The following DIS3L2 variants were observed in gnomAD, a reference collection of about 807,000 sequenced individuals.
DIS3L2 encodes DIS3-like exonuclease 2.
DIS3L2 carries 34 observed loss-of-function variants against 97.5 expected under a neutral mutation model. That is an observed-to-expected ratio of 0.35 (90% CI 0.27 to 0.46). The LOEUF (loss-of-function observed/expected upper bound fraction) is 0.46, where lower values mean the gene tolerates loss of function less well. DIS3L2 is among the 20% of genes least tolerant of loss of function. The pLI is 1.00. For synonymous variants in DIS3L2, 435 were observed against 445.2 expected (o/e 0.98, Z 0.29); for missense variants, 1,038 against 1,146.0 (o/e 0.91, Z 1.36).
intron 9 of DIS3L2, among the ~76,000 whole-genome samples, chr2:232,186,082 C>T (rs1574933163): frequency 6.6e-6 from 1 of 152,138 alleles, no homozygotes; most frequent in East Asian, 1.9e-4. Context: ...CCACCTGCCT[C>T]AGCCTCCCAA....
intron 5 of DIS3L2, among the ~76,000 whole-genome samples, chr2:232,043,420 T>A (rs995224459): frequency 6.6e-6 from 1 of 152,180 alleles, no homozygotes; most frequent in Non-Finnish European, 1.5e-5. Context: ...TGTCTGCAAG[T>A]AGGGATATAA....
intron 5 of DIS3L2, among the ~76,000 whole-genome samples, chr2:232,057,379 C>T (rs973730178): frequency 1.3e-5 from 2 of 152,052 alleles, no homozygotes; most frequent in Non-Finnish European, 2.9e-5. Context: ...TTCCTATGAG[C>T]AAGTCGCAAT....
At chr2:231,974,931 C>T (rs985070732) in intron 1 of DIS3L2, among the ~76,000 whole-genome samples, 4 of 152,072 alleles carry the variant, frequency 2.6e-5, no homozygotes, top group East Asian at 3.9e-4. Flanking sequence ...CTATTGTATC[C>T]GTTTGGTTGC....
intron 6 of DIS3L2, among the ~76,000 whole-genome samples, chr2:232,123,094 C>T (rs1327116152): frequency 6.6e-6 from 1 of 151,686 alleles, no homozygotes; most frequent in Non-Finnish European, 1.5e-5. Context: ...CCACAACCCT[C>T]CCACCCTAAT....
At chr2:232,161,265 C>T (rs1690641997) in intron 8 of DIS3L2, among the ~76,000 whole-genome samples, 2 of 151,948 alleles carry the variant, frequency 1.3e-5, no homozygotes, top group South Asian at 4.2e-4. Context: ...TTATTTCTGT[C>T]CTTCTCCTTA....
intron 9 of DIS3L2, among the ~76,000 whole-genome samples, chr2:232,181,240 T>G (rs947094564): frequency 6.6e-6 from 1 of 151,502 alleles, no homozygotes; most frequent in Non-Finnish European, 1.5e-5. Context: ...TGGCTGCCCT[T>G]AACATTTTTT....
intron 6 of DIS3L2, among the ~76,000 whole-genome samples, chr2:232,097,166 T>C (rs1370518335): frequency 6.6e-6 from 1 of 152,214 alleles, no homozygotes; most frequent in African/African-American, 2.4e-5. Context: ...TGCAGACTTG[T>C]AGAGGTTCTG....
intron 1 of DIS3L2, among the ~76,000 whole-genome samples, chr2:231,996,170 C>G (rs1046134518): frequency 6.6e-6 from 1 of 152,200 alleles, no homozygotes; most frequent in African/African-American, 2.4e-5. Context: ...AGAGTAATCC[C>G]ATGGAATTGG....
chr2:232,262,200 G>A (rs553198655), intron 12 of DIS3L2, among the ~76,000 whole-genome samples: 7 of 151,152 alleles, frequency 4.6e-5, no homozygotes, highest in Admixed American at 1.3e-4. Context: ...TCCCCCAACC[G>A]CCCTTTCTTC....
At chr2:232,183,618 T>G (rs1691352239) in intron 9 of DIS3L2, among the ~76,000 whole-genome samples, 1 of 152,196 alleles carries the variant, frequency 6.6e-6, no homozygotes, top group South Asian at 2.1e-4. Flanking sequence ...TTCACAGCCC[T>G]TTATAGATGC....
intron 9 of DIS3L2, among the ~76,000 whole-genome samples, chr2:232,174,306 C>A (rs1691082453): frequency 6.6e-6 from 1 of 151,854 alleles, no homozygotes; most frequent in African/African-American, 2.4e-5. Context: ...CATTTGTTGG[C>A]CGGGCATGGT....
chr2:232,271,104 G>T (rs1693997945), intron 13 of DIS3L2, among the ~76,000 whole-genome samples: 1 of 152,156 alleles, frequency 6.6e-6, no homozygotes, highest in South Asian at 2.1e-4. Context: ...ACTTACAAGG[G>T]TCCTAAAATT....
Position 232,131,392 on chromosome 2 carries a change from A to G in DIS3L2, c.702+673A>G, listed in dbSNP as rs144542059. 431 of 152,490 alleles carry G rather than the reference A, an allele frequency of 2.8e-3. 1 individual carries two copies. Among genetic ancestry groups the G allele is most frequent in the Non-Finnish European group, 4.7e-3 (319 of 68,264 alleles). 9.4% of individuals were successfully genotyped at this position (152,490 alleles called of 1,614,324 possible). ...CTGCAACCTCTGCCTCCCTGGTTCA[A>G]GCGATTCTTCTGCCTCAGCCTCCTG... On this transcript the variant is annotated intron_variant, in intron 7 of 20. Coordinates refer to ENST00000325385, the MANE Select transcript of DIS3L2 (RefSeq NM_152383.5).
At chr2:232,058,722 CA>C (rs1695616039) in intron 5 of DIS3L2, among the ~76,000 whole-genome samples, 3 of 152,102 alleles carry the variant, frequency 2.0e-5, no homozygotes, top group African/African-American at 7.2e-5. Context: ...CCAGTGTGCA[CA>C]CAGAACTGGA....
At chr2:232,285,606 C>T (rs546416669) in intron 13 of DIS3L2, among the ~76,000 whole-genome samples, 42 of 152,314 alleles carry the variant, frequency 2.8e-4, no homozygotes, top group Non-Finnish European at 1.5e-5. Context: ...GGAAGTGTGG[C>T]CCAGTAGGAA....
Position 232,337,097 on chromosome 2 carries a change from TC to T in DIS3L2, c.*469del. ...GAGCCGATGTCAACACCTGGAACTT[TC>T]CTGTCAGTTCCAACACGATTCAGAG... On this transcript the variant is annotated 3_prime_UTR_variant, in exon 21 of 21. Transcript: ENST00000325385. 9.8e-7 allele frequency: 1 copy of T among 1,022,344 alleles called. No homozygotes were observed. Among genetic ancestry groups the T allele is most frequent in the Non-Finnish European group, 1.2e-6 (1 of 854,894 alleles). 63.3% of individuals were successfully genotyped at this position (1,022,344 alleles called of 1,614,324 possible).
chr2:232,044,438 A>G (rs1307897934), intron 5 of DIS3L2, among the ~76,000 whole-genome samples: 1 of 152,152 alleles, frequency 6.6e-6, no homozygotes, highest in African/African-American at 2.4e-5. Context: ...GGTGACTCCT[A>G]CATGTTAGGC....
chr2:232,343,399 G>A (rs751366877), exon 14 of DIS3L2: 3 of 1,556,400 alleles, frequency 1.9e-6, no homozygotes, highest in Non-Finnish European at 2.6e-6. Context: ...CAGCCCCTCT[G>A]CTGAAGATGC....
chr2:232,271,817 C>T (rs1309386216), intron 13 of DIS3L2, among the ~76,000 whole-genome samples: 2 of 151,982 alleles, frequency 1.3e-5, no homozygotes, highest in Admixed American at 6.6e-5. Context: ...TTTCAGCCGT[C>T]GCGGGTGTTG....
Sources: allele counts gnomAD v4.1 joint callset (sites outside exome capture counted in the v4.1 genomes callset), GRCh38; gene constraint gnomAD v4.1.1; transcripts MANE v1.5; gene names NCBI Gene and HGNC (gene_info 2026-07-23, HGNC 2026-07-21).